The following TXNRD1 variants were observed in gnomAD, a reference collection of about 807,000 sequenced individuals.
The protein encoded by TXNRD1 is thioredoxin reductase 1, cytoplasmic.
TXNRD1 carries 57 observed loss-of-function variants against 80.3 expected under a neutral mutation model. The ratio of observed to expected loss-of-function variants is 0.71; its 90% confidence interval spans 0.57 to 0.89. TXNRD1 has a LOEUF of 0.89. TXNRD1 is among the 40% of genes least tolerant of loss of function. The pLI is 0.00. For missense variants in TXNRD1, 730 were observed against 803.0 expected (o/e 0.91, Z 1.10); for synonymous variants, 291 against 285.2 (o/e 1.02, Z -0.20).
intron 2 of TXNRD1, among the ~76,000 whole-genome samples, chr12:104,257,430 A>G (rs1297461008): frequency 2.3e-5 from 3 of 131,780 alleles, no homozygotes; most frequent in Admixed American, 8.2e-5. Flanking sequence ...TTTTTGAAAC[A>G]GAGTCTTACT....
At chr12:104,244,504 C>T (rs142368658) in intron 1 of TXNRD1, among the ~76,000 whole-genome samples, 20 of 152,144 alleles carry the variant, frequency 1.3e-4, no homozygotes, top group Middle Eastern at 3.4e-3. Context: ...AATTCTGTCA[C>T]GCCAATATAA....
intron 4 of TXNRD1, among the ~76,000 whole-genome samples, chr12:104,298,717 C>G (rs1006576528): frequency 6.6e-6 from 1 of 151,828 alleles, no homozygotes; most frequent in African/African-American, 2.4e-5. Flanking sequence ...AAGCGAGACT[C>G]TATCTAAAAT....
intron 5 of TXNRD1, among the ~76,000 whole-genome samples, chr12:104,311,702 C>T (rs1030757516): frequency 1.3e-5 from 2 of 152,012 alleles, no homozygotes; most frequent in Admixed American, 6.5e-5. Flanking sequence ...GGTGTTGTGC[C>T]TGGTGTGGTG....
intron 3 of TXNRD1, among the ~76,000 whole-genome samples, chr12:104,260,591 A>G (rs994574909): frequency 1.3e-5 from 2 of 152,240 alleles, no homozygotes; most frequent in African/African-American, 2.4e-5. Context: ...TGTTATTTCC[A>G]TAATACCATG....
chr12:104,225,189 A>G (rs1387046268), intron 1 of TXNRD1, among the ~76,000 whole-genome samples: 3 of 152,194 alleles, frequency 2.0e-5, no homozygotes, highest in Admixed American at 6.5e-5. Flanking sequence ...AAAAAGGAGT[A>G]ACATTTATTG....
intron 11 of TXNRD1, among the ~76,000 whole-genome samples, 200 bp from the exon 12 acceptor site, chr12:104,326,147 A>T (rs2035752934): frequency 6.6e-6 from 1 of 152,344 alleles, no homozygotes; most frequent in East Asian, 1.9e-4. Context: ...AATAATTTCT[A>T]CTATATCATA....
intron 4 of TXNRD1, among the ~76,000 whole-genome samples, chr12:104,290,735 ATATATATATATATATATATATATG>A (rs1193754585): frequency 8.5e-5 from 9 of 105,372 alleles, no homozygotes; most frequent in Non-Finnish European, 1.3e-4. Flanking sequence ...ATATATATAT[ATATATATATATATATATATATATG>A]TATATTTCTT....
At chr12:104,232,460 G>T (rs2032644142) in intron 1 of TXNRD1, among the ~76,000 whole-genome samples, 1 of 152,112 alleles carries the variant, frequency 6.6e-6, no homozygotes, top group African/African-American at 2.4e-5. Flanking sequence ...CTACTTGGGA[G>T]GCTAAGGCAG....
intron 4 of TXNRD1, among the ~76,000 whole-genome samples, chr12:104,302,137 A>G (rs1398528336): frequency 6.6e-6 from 1 of 152,208 alleles, no homozygotes; most frequent in Non-Finnish European, 1.5e-5. Context: ...ACCGTAATGC[A>G]TGGTGTTTTG....
chr12:104,309,888 G>C, intron 4 of TXNRD1: 1 of 1,536,022 alleles, frequency 6.5e-7, no homozygotes, highest in Non-Finnish European at 8.7e-7. Flanking sequence ...CACTGTTGCT[G>C]GTTTCCAGGT....
intron 3 of TXNRD1, among the ~76,000 whole-genome samples, chr12:104,282,585 T>C (rs766465213): frequency 1.3e-4 from 20 of 151,220 alleles, no homozygotes; most frequent in Non-Finnish European, 2.5e-4. Context: ...ACTTTATTCT[T>C]CTTCAAGGTA....
At position 104,252,660 on chromosome 12, in the gene TXNRD1, TTTTA is replaced by T. The variant is rs1370460500; in HGVS notation, c.243+984_243+987del. 2.7e-3 allele frequency among the ~76,000 whole-genome samples: 141 copies of T among 53,192 alleles called. 2 individuals carry two copies. In the South Asian group the frequency reaches 0.027, roughly 10 times the overall value. The allele number at this position is 53,192 out of a possible 152,430, so 34.9% of individuals were successfully genotyped here. ...TTCACTGAGAGGTTAATTTATTATT[TTTTA>T]TATATATATATATATATATATATAT... On this transcript the variant is annotated intron_variant, in intron 2 of 16. Coordinates refer to ENST00000525566, the MANE Select transcript of TXNRD1 (RefSeq NM_001093771.3).
intron 2 of TXNRD1, among the ~76,000 whole-genome samples, chr12:104,254,644 A>AAAAAAAATATATATATATATATATATAT: frequency 1.1e-5 from 1 of 93,648 alleles, no homozygotes; most frequent in Admixed American, 1.3e-4. Context: ...AAAAAAAAAA[A>AAAAAAAATATATATATATATATATATAT]ATATATATAT....
Position 104,321,294 on chromosome 12 carries a change from T to G in TXNRD1, c.1193T>G (p.Ile398Arg). 1.2e-6 allele frequency: 2 copies of G among 1,614,016 alleles called. No homozygotes were observed. The highest frequency in any genetic ancestry group is 1.7e-6 in the Non-Finnish European group (2 of 1,179,884). Residue 398 changes from isoleucine to arginine, a missense_variant, in exon 10 of 17, where the codon ATA (isoleucine) becomes AGA (arginine). Transcript: ENST00000525566. ...ATGGAAGAACATGGCATCAAGTTTA[T>G]AAGACAGTTCGTACCAATTAAAGTA... ...EHMEEHGIKF[I>R]RQFVPIKVEQ...
At chr12:104,245,648 C>CA (rs149083903) in intron 1 of TXNRD1, among the ~76,000 whole-genome samples, 2,182 of 108,824 alleles carry the variant, frequency 0.02, 74 homozygotes, top group South Asian at 0.068. Flanking sequence ...GACCCTGTCT[C>CA]AAAAAAAAAA....
At chr12:104,321,048 C>T in intron 9 of TXNRD1, 43 bp from the exon 10 acceptor site, 1 of 1,363,946 alleles carries the variant, frequency 7.3e-7, no homozygotes. Context: ...TATATAGGAA[C>T]TTTCTTTTTC....
At chr12:104,270,990 A>C (rs530344483) in intron 3 of TXNRD1, among the ~76,000 whole-genome samples, 10 of 151,904 alleles carry the variant, frequency 6.6e-5, no homozygotes, top group Admixed American at 5.3e-4. Flanking sequence ...CTCTGCTAAA[A>C]ATACAAAAAA....
At chr12:104,288,827 G>C in intron 3 of TXNRD1, 104 bp from the exon 4 acceptor site, 2 of 1,608,250 alleles carry the variant, frequency 1.2e-6, no homozygotes, top group East Asian at 2.2e-5. Context: ...GAGGGCACGC[G>C]GTGCCTGCGG....
At chr12:104,331,694 A>G in intron 14 of TXNRD1, 53 bp downstream of exon 14, 1 of 1,207,648 alleles carries the variant, frequency 8.3e-7, no homozygotes, top group South Asian at 1.3e-5. Flanking sequence ...TTTTTTCTTC[A>G]GAATTTAAAA....
Sources: gnomAD v4.1 joint callset for allele counts (sites outside exome capture counted in the v4.1 genomes callset) on GRCh38, gnomAD v4.1.1 for gene constraint, MANE v1.5 for transcripts, NCBI Gene and HGNC (gene_info 2026-07-23, HGNC 2026-07-21) for gene names.